Variants in UQCC2 observed in about 807,000 individuals in gnomAD.
UQCC2 encodes the protein breast cancer-associated protein SGA-81M.
In UQCC2, 21 loss-of-function variants were observed where a neutral mutation model predicts 19.9. That is an observed-to-expected ratio of 1.05 (90% CI 0.75 to 1.52). The LOEUF is 1.52. Ranked by LOEUF, UQCC2 falls within the 40% of genes most tolerant of loss-of-function variation. UQCC2 has a pLI of 0.00. For missense variants in UQCC2, 135 were observed against 157.5 expected (o/e 0.86, Z 0.76); for synonymous variants, 57 against 60.9 (o/e 0.94, Z 0.30).
At chr6:33,711,418 G>T in intron 1 of UQCC2, 131 bp downstream of exon 1, 2 of 1,321,880 alleles carry the variant, frequency 1.5e-6, no homozygotes, top group Non-Finnish European at 2.0e-6. Flanking sequence ...GGGGAAAAAG[G>T]GGGTCCGCGC....
intron 1 of UQCC2, among the ~76,000 whole-genome samples, chr6:33,704,821 G>A (rs1175244195): frequency 1.3e-5 from 2 of 152,116 alleles, no homozygotes; most frequent in African/African-American, 2.4e-5. Context: ...GAAGTCACCA[G>A]TAGGTTGCTC....
intron 1 of UQCC2, among the ~76,000 whole-genome samples, chr6:33,703,553 C>G (rs1231544374): frequency 1.3e-5 from 2 of 152,006 alleles, no homozygotes; most frequent in Non-Finnish European, 1.5e-5. Flanking sequence ...AGTCAAACTG[C>G]CTGGGTTGAC....
At chr6:33,711,520 C>T (rs769861266) in intron 1 of UQCC2, 29 bp downstream of exon 1, 2 of 1,581,594 alleles carry the variant, frequency 1.3e-6, no homozygotes, top group Non-Finnish European at 1.7e-6. Flanking sequence ...CTTTCCTCCC[C>T]TCGTCCCAGC....
At chr6:33,702,031 GTC>G (rs1266736087) in intron 1 of UQCC2, among the ~76,000 whole-genome samples, 6 of 152,044 alleles carry the variant, frequency 3.9e-5, no homozygotes, top group African/African-American at 1.4e-4. Context: ...TTTTGAGACA[GTC>G]TCTCACTCTA....
intron 3 of UQCC2, chr6:33,698,016 G>A (rs879132298): frequency 1.0e-5 from 5 of 478,150 alleles, no homozygotes; most frequent in South Asian, 4.9e-5. Context: ...GCATCAAAGC[G>A]GGATGTGCTG....
intron 1 of UQCC2, among the ~76,000 whole-genome samples, chr6:33,708,372 T>C (rs1765724303): frequency 6.6e-6 from 1 of 151,726 alleles, no homozygotes; most frequent in Admixed American, 6.6e-5. Flanking sequence ...TTGTCTCTTA[T>C]GGCTACGGAA....
intron 2 of UQCC2, 146 bp from the exon 3 acceptor site, chr6:33,700,659 A>G: frequency 1.3e-6 from 1 of 772,296 alleles, no homozygotes; most frequent in Non-Finnish European, 2.2e-6. Flanking sequence ...CGAGGTCAAG[A>G]CTTGGCCTCG....
chr6:33,700,386 C>T, intron 3 of UQCC2, 58 bp downstream of exon 3: 2 of 1,577,456 alleles, frequency 1.3e-6, no homozygotes, highest in South Asian at 1.1e-5. Flanking sequence ...TCCCCTTGGC[C>T]ACTCAAACTC....
Position 33,706,510 on chromosome 6 carries a change from G to A in UQCC2, c.138+5039C>T, listed in dbSNP as rs558991177. Among the ~76,000 whole-genome samples, 32 of 152,300 alleles carry A rather than the reference G, an allele frequency of 2.1e-4. 1 individual carries two copies. The highest frequency in any genetic ancestry group is 6.8e-3 in the Middle Eastern group (2 of 294). ...ATGTGTAAGTGAGAGCCAGATCTGC[G>A]GAGCACGGGCCGCTGCACGAGACCC... On this transcript the variant is annotated intron_variant, in intron 1 of 3. Coordinates refer to ENST00000607484, the MANE Select transcript of UQCC2 (RefSeq NM_032340.4).
chr6:33,706,931 G>A (rs1765706815), intron 1 of UQCC2, among the ~76,000 whole-genome samples: 1 of 152,232 alleles, frequency 6.6e-6, no homozygotes, highest in African/African-American at 2.4e-5. Context: ...TTAGGGTGGT[G>A]CGAGGCAAGG....
In UQCC2 at chr6:33,711,692, GC is replaced by G. The variant is rs1765775988; in HGVS notation, c.-7del. 1 of 1,604,518 alleles carries G rather than the reference GC, an allele frequency of 6.2e-7. No individual in the cohort carries two copies. Among genetic ancestry groups the G allele is most frequent in the South Asian group, 1.1e-5 (1 of 89,984 alleles). ...CGGTACCGGCTGGCCGCCATCTTGG[GC>G]CCCGCGTGTTCCCGCCTTAGCGGGA... On this transcript the variant is annotated 5_prime_UTR_variant, in exon 1 of 4. Coordinates refer to ENST00000607484, the MANE Select transcript of UQCC2 (RefSeq NM_032340.4).
At chr6:33,700,253 T>A (rs909435942) in intron 3 of UQCC2, among the ~76,000 whole-genome samples, 191 bp downstream of exon 3, 1 of 152,226 alleles carries the variant, frequency 6.6e-6, no homozygotes, top group Non-Finnish European at 1.5e-5. Context: ...TTTTCTTTTT[T>A]AAATAACGCC....
intron 1 of UQCC2, among the ~76,000 whole-genome samples, chr6:33,703,963 C>T (rs918058138): frequency 6.6e-6 from 1 of 152,322 alleles, no homozygotes; most frequent in African/African-American, 2.4e-5. Flanking sequence ...GACCGTTCCT[C>T]GGCCTTTGTC....
chr6:33,704,380 C>T (rs1371795340), intron 1 of UQCC2, among the ~76,000 whole-genome samples: 2 of 152,212 alleles, frequency 1.3e-5, no homozygotes, highest in African/African-American at 4.8e-5. Context: ...AGGTGGAGCC[C>T]GTGCCCAGGG....
rs1435565863 is a variant in UQCC2 at position 33,701,423 on chromosome 6, G to A, written c.139-3C>T. 5 of 1,613,100 alleles carry A rather than the reference G, an allele frequency of 3.1e-6. No homozygotes were observed. In the South Asian group the frequency reaches 3.3e-5, roughly 11 times the overall value. The stretch of plus-strand genomic sequence containing the variant: ...TCACAGGCCTCAGGCTCTGCAACCT[G>A]AAAAGCAAAGAATCCCAAAGGAGGT... On this transcript the variant is annotated splice_polypyrimidine_tract_variant and splice_region_variant and intron_variant, in intron 1 of 3. Coordinates refer to ENST00000607484, the MANE Select transcript of UQCC2 (RefSeq NM_032340.4).
chr6:33,697,933 G>C, intron 3 of UQCC2, 183 bp from the exon 4 acceptor site: 1 of 595,956 alleles, frequency 1.7e-6, no homozygotes, highest in South Asian at 2.0e-5. Flanking sequence ...ACCGCTTGCG[G>C]GGACTGAGCA....
intron 1 of UQCC2, among the ~76,000 whole-genome samples, chr6:33,708,140 G>C (rs933119593): frequency 1.3e-5 from 2 of 152,240 alleles, no homozygotes. Context: ...TAGTGGCTGG[G>C]GCAAAGAATA....
intron 1 of UQCC2, among the ~76,000 whole-genome samples, chr6:33,706,099 C>T (rs1332101567): frequency 6.6e-6 from 1 of 152,154 alleles, no homozygotes; most frequent in Non-Finnish European, 1.5e-5. Flanking sequence ...TTCGATTTTG[C>T]AAATTGAATT....
At chr6:33,702,057 A>C (rs757651172) in intron 1 of UQCC2, among the ~76,000 whole-genome samples, 1 of 152,100 alleles carries the variant, frequency 6.6e-6, no homozygotes, top group Non-Finnish European at 1.5e-5. Flanking sequence ...CCCAGGCTGG[A>C]GTGCAGTGGC....
Sources: allele counts gnomAD v4.1 joint callset (sites outside exome capture counted in the v4.1 genomes callset), GRCh38; gene constraint gnomAD v4.1.1; transcripts MANE v1.5; gene names NCBI Gene and HGNC (gene_info 2026-07-23, HGNC 2026-07-21).